Variants in CNST observed in about 807,000 individuals in gnomAD.
The protein encoded by CNST is consortin.
CNST carries 39 observed loss-of-function variants against 72.4 expected under a neutral mutation model. The ratio of observed to expected loss-of-function variants is 0.54; its 90% CI spans 0.42 to 0.70. The LOEUF (loss-of-function observed/expected upper bound fraction) is 0.70. Among genes scored for constraint, CNST ranks in the 30% least tolerant of loss-of-function variants. The pLI is 0.00. For missense variants in CNST, 871 were observed against 868.5 expected (o/e 1.00, Z -0.04); for synonymous variants, 332 against 320.1 (o/e 1.04, Z -0.40).
chr1:246,630,474 G>C (rs1455691989), intron 3 of CNST, among the ~76,000 whole-genome samples: 1 of 152,166 alleles, frequency 6.6e-6, no homozygotes, highest in East Asian at 1.9e-4. Flanking sequence ...ATCATTTATA[G>C]AGATGACTGA....
intron 1 of CNST, among the ~76,000 whole-genome samples, chr1:246,583,836 G>A (rs77474951): frequency 0.033 from 4,984 of 152,306 alleles, 238 homozygotes; most frequent in African/African-American, 0.11. Context: ...CAGGAGCATC[G>A]TGTTCCCATT....
chr1:246,605,498 C>G (rs1368641767), intron 2 of CNST, among the ~76,000 whole-genome samples: 1 of 152,204 alleles, frequency 6.6e-6, no homozygotes, highest in African/African-American at 2.4e-5. Context: ...TAATGCGCGC[C>G]TGGGTGCAGA....
At chr1:246,615,769 T>G (rs1399965623) in intron 2 of CNST, among the ~76,000 whole-genome samples, 1 of 151,768 alleles carries the variant, frequency 6.6e-6, no homozygotes, top group Non-Finnish European at 1.5e-5. Flanking sequence ...TCCCAGCTAC[T>G]CGGGAGGCTG....
At chr1:246,625,681 A>C (rs1486021061) in intron 3 of CNST, among the ~76,000 whole-genome samples, 1 of 152,010 alleles carries the variant, frequency 6.6e-6, no homozygotes, top group African/African-American at 2.4e-5. Flanking sequence ...CGGCCTCCCA[A>C]AGTGCTGGGA....
intron 8 of CNST, among the ~76,000 whole-genome samples, chr1:246,643,655 A>G (rs1339726378): frequency 6.6e-6 from 1 of 152,188 alleles, no homozygotes; most frequent in Non-Finnish European, 1.5e-5. Context: ...TGCTAAGTAC[A>G]TTGTATGGAT....
chr1:246,617,354 G>A (rs983537165), intron 2 of CNST, among the ~76,000 whole-genome samples: 1 of 152,326 alleles, frequency 6.6e-6, no homozygotes, highest in Non-Finnish European at 1.5e-5. Flanking sequence ...TATGACATGA[G>A]TCATATAAAC....
intron 1 of CNST, among the ~76,000 whole-genome samples, chr1:246,567,614 C>T (rs116117289): frequency 0.015 from 2,308 of 152,322 alleles, 25 homozygotes; most frequent in Non-Finnish European, 0.026. Flanking sequence ...GAAGATTATA[C>T]TCATCTGATG....
At chr1:246,648,886 G>A (rs571263634) in intron 9 of CNST, among the ~76,000 whole-genome samples, 2 of 151,958 alleles carry the variant, frequency 1.3e-5, no homozygotes, top group South Asian at 4.2e-4. Flanking sequence ...AAAATAAGGG[G>A]GAAAATGAAA....
chr1:246,616,240 A>T (rs1663681170), intron 2 of CNST, among the ~76,000 whole-genome samples: 1 of 151,940 alleles, frequency 6.6e-6, no homozygotes, highest in Non-Finnish European at 1.5e-5. Flanking sequence ...TATCTTGAAA[A>T]CTTTTTGTGT....
At chr1:246,640,026 G>A (rs1050256332) in intron 6 of CNST, among the ~76,000 whole-genome samples, 1 of 152,154 alleles carries the variant, frequency 6.6e-6, no homozygotes, top group Non-Finnish European at 1.5e-5. Flanking sequence ...GTGGCCTTGC[G>A]CCTTGGGACT....
intron 9 of CNST, among the ~76,000 whole-genome samples, chr1:246,649,648 C>G (rs911706909): frequency 6.6e-6 from 1 of 152,064 alleles, no homozygotes; most frequent in African/African-American, 2.4e-5. Flanking sequence ...TTGTCTTGCC[C>G]ACCTTATAAA....
At chr1:246,650,904 C>T (rs957167701) in intron 9 of CNST, among the ~76,000 whole-genome samples, 1 of 152,092 alleles carries the variant, frequency 6.6e-6, no homozygotes, top group Admixed American at 6.6e-5. Context: ...TCTTCAACTC[C>T]TGGCCTCAAG....
At chr1:246,573,507 G>A (rs2103001232) in intron 1 of CNST, among the ~76,000 whole-genome samples, 1 of 152,280 alleles carries the variant, frequency 6.6e-6, no homozygotes, top group East Asian at 1.9e-4. Flanking sequence ...GTGGCCTCTT[G>A]GTTGGTTATA....
Position 246,592,053 on chromosome 1 carries a change from T to C in CNST, c.379+112T>C, listed in dbSNP as rs527609043. 8.5e-6 allele frequency: 7 copies of C among 825,768 alleles called. No individual in the cohort carries two copies. In the South Asian group the frequency reaches 1.1e-4, roughly 13 times the overall value. The allele number at this position is 825,768 out of a possible 1,614,324, so 51.2% of individuals were successfully genotyped here. ...CCTTGCTTCTTTGCTTACGATATTC[T>C]GGAGCTAGTTCCGCCGCAGCACAAG... On this transcript the variant is annotated intron_variant, in intron 2 of 10. Coordinates refer to ENST00000366513, the MANE Select transcript of CNST (RefSeq NM_152609.3).
At chr1:246,603,642 C>A (rs1662463885) in intron 2 of CNST, among the ~76,000 whole-genome samples, 1 of 152,030 alleles carries the variant, frequency 6.6e-6, no homozygotes, top group Admixed American at 6.5e-5. Flanking sequence ...TAAATAAAAT[C>A]CTAATACATG....
chr1:246,571,090 G>A (rs1438201521), intron 1 of CNST, among the ~76,000 whole-genome samples: 1 of 152,140 alleles, frequency 6.6e-6, no homozygotes, highest in Non-Finnish European at 1.5e-5. Context: ...TGTAATATTC[G>A]TTAAAGAACA....
At chr1:246,621,678 C>A (rs1447009443) in intron 3 of CNST, 44 bp downstream of exon 3, 1 of 1,504,902 alleles carries the variant, frequency 6.6e-7, no homozygotes. Context: ...GAAAATTCCC[C>A]TAGCAGTGTT....
rs1667423837 is a variant in CNST, at chr1:246,667,142, G to A, written c.*1237G>A. 6.6e-6 allele frequency: 1 copy of A among 151,626 alleles called. No homozygotes were observed. Among genetic ancestry groups the A allele is most frequent in the Non-Finnish European group, 1.5e-5 (1 of 67,898 alleles). The allele number at this position is 151,626 out of a possible 1,614,324, so 9.4% of individuals were successfully genotyped here. A position where few individuals can be genotyped will look rare whatever the true frequency, so the allele number is the denominator to read the frequency against. ...GCAGCATTAAAAAAAAAACAACAAA[G>A]AAAAACCAAACATGAATTATAGTTT... On this transcript the variant is annotated 3_prime_UTR_variant, in exon 11 of 11. Coordinates refer to ENST00000366513, the MANE Select transcript of CNST (RefSeq NM_152609.3).
rs1298864699 is a variant in CNST, at chr1:246,621,572, T to C, written c.523T>C (p.Ser175Pro). The change falls in exon 3 of 11, where the codon TCA (serine) becomes CCA (proline). Residue 175 changes from serine to proline, a missense_variant. By Grantham distance (74) the Ser-to-Pro change is moderately conservative. Transcript: ENST00000366513. ...APKLVLQSLF[S>P]LIRGEVEQLD... ...AAAGCTTGTTCTGCAGTCTCTGTTTTCACTTATACGAGGTGAAGTTGAGCA... is the reference window on the plus strand; with the variant it reads ...AAAGCTTGTTCTGCAGTCTCTGTTTCCACTTATACGAGGTGAAGTTGAGCA... 1.9e-6 allele frequency: 3 copies of C among 1,614,202 alleles called. No homozygotes were observed. The highest frequency in any genetic ancestry group is 2.5e-6 in the Non-Finnish European group (3 of 1,180,018).
Sources: gnomAD v4.1 joint callset for allele counts (sites outside exome capture counted in the v4.1 genomes callset) on GRCh38, gnomAD v4.1.1 for gene constraint, MANE v1.5 for transcripts, NCBI Gene and HGNC (gene_info 2026-07-23, HGNC 2026-07-21) for gene names.